The following UFD1 variants were observed in gnomAD, a reference collection of about 807,000 sequenced individuals.
UFD1 encodes the protein ubiquitin recognition factor in ER associated degradation 1, also known as ubiquitin recognition factor in ER-associated degradation protein 1.
A neutral mutation model predicts 45.9 loss-of-function variants in UFD1; 13 were observed. The observed-to-expected ratio is 0.28, with a 90% CI of 0.18 to 0.45. The LOEUF (loss-of-function observed/expected upper bound fraction) is 0.45. UFD1 is among the 20% of genes least tolerant of loss of function. The probability of loss-of-function intolerance (pLI) is 1.00; values close to 1 mark genes in which losing one functional copy is unlikely to be tolerated. For missense variants in UFD1, 218 were observed against 389.2 expected, an observed-to-expected ratio of 0.56 and a Z score of 3.70; for synonymous variants, 128 against 139.2, an observed-to-expected ratio of 0.92 and a Z score of 0.56.
chr22:19,469,008 G>T (rs2089824635), intron 4 of UFD1, among the ~76,000 whole-genome samples: 1 of 152,210 alleles, frequency 6.6e-6, no homozygotes, highest in South Asian at 2.1e-4. Flanking sequence ...CCTAGGCCAT[G>T]AGTGAAGCCT....
chr22:19,451,165 A>C (rs975042427), intron 11 of UFD1: 13 of 988,544 alleles, frequency 1.3e-5, no homozygotes, highest in Non-Finnish European at 1.4e-5. Flanking sequence ...ATCACCCAAA[A>C]ACATTTCAGG....
chr22:19,450,623 T>C lies in UFD1; in HGVS notation c.*47A>G, dbSNP rs771976246. ...GTGCCAGTAACTAAAAGCCAAGATG[T>C]TGCAAATGATTCTTTTATTATTTTC... On this transcript the variant is annotated 3_prime_UTR_variant, in exon 12 of 12. Coordinates refer to ENST00000263202, the MANE Select transcript of UFD1 (RefSeq NM_005659.7). 3.1e-6 allele frequency: 5 copies of C among 1,612,210 alleles called. No homozygotes were observed. In the South Asian group the frequency reaches 5.5e-5, roughly 18 times the overall value.
In UFD1 at chr22:19,456,610, A is replaced by T. The variant is rs769825596; in HGVS notation, c.655T>A (p.Tyr219Asn). The T allele has an allele frequency of 6.2e-7, 1 of 1,614,192 alleles. No individual in the cohort carries two copies. The change falls in exon 9 of 12, where the codon TAT becomes AAT. Residue 219 changes from tyrosine (Y) to asparagine (N), a missense_variant. Physicochemically the swap from Tyr to Asn is moderately radical, Grantham distance 143. Transcript: ENST00000263202. ...STEGEADHSG[Y>N]AGELGFRAFS... ...ACGCGGAAGCCCAGCTCTCCAGCAT[A>T]GCCACTGTGGTCGGCTTCACCTTCC...
chr22:19,454,539 T>C, intron 11 of UFD1: 1 of 1,113,848 alleles, frequency 9.0e-7, no homozygotes, highest in Non-Finnish European at 1.2e-6. Flanking sequence ...ACTTGCCCCC[T>C]GCCATGATTG....
At chr22:19,465,480 G>T in intron 5 of UFD1, 1 of 513,040 alleles carries the variant, frequency 1.9e-6, no homozygotes. Flanking sequence ...GCCAAGCTGG[G>T]GTAACAAATG....
chr22:19,466,537 G>A lies in UFD1; in HGVS notation c.423-1263C>T, dbSNP rs2089803417. 3.3e-5 allele frequency: 5 copies of A among 152,366 alleles called. No individual in the cohort carries two copies. In the South Asian group the frequency reaches 8.3e-4, roughly 25 times the overall value. 9.4% of individuals were successfully genotyped at this position (152,366 alleles called of 1,614,324 possible). A position where few individuals can be genotyped will look rare whatever the true frequency, so the allele number is the denominator to read the frequency against. ...ACAGCATCTGAGATCAACCTGATAA[G>A]TCTGCATTGGGGCAGGGCGCGGTGG... On this transcript the variant is annotated intron_variant, in intron 5 of 11. Coordinates refer to ENST00000263202, the MANE Select transcript of UFD1 (RefSeq NM_005659.7).
intron 7 of UFD1, 115 bp downstream of exon 7, chr22:19,457,956 T>A (rs1569327317): frequency 9.5e-7 from 1 of 1,050,278 alleles, no homozygotes; most frequent in Non-Finnish European, 1.5e-6. Context: ...TTCCTCCTCT[T>A]TACCCAGAGT....
chr22:19,478,725 C>G (rs954585087), intron 1 of UFD1: 1 of 344,222 alleles, frequency 2.9e-6, no homozygotes, highest in Admixed American at 5.0e-5. Flanking sequence ...GGGGAGCGCC[C>G]TGATTCTGTT....
chr22:19,462,644 A>G lies in UFD1; in HGVS notation c.495+2558T>C, dbSNP rs181331029. 1.8e-4 allele frequency among the ~76,000 whole-genome samples: 28 copies of G among 152,250 alleles called. 1 individual carries two copies. Among genetic ancestry groups the G allele is most frequent in the African/African-American group, 6.7e-4 (28 of 41,562 alleles). ...AAGATCGCGCCACTGCACTCCAGCC[A>G]GGGTGAGACAAAGAGAGACTCTCTC... On this transcript the variant is annotated intron_variant, in intron 6 of 11. Coordinates refer to ENST00000263202, the MANE Select transcript of UFD1 (RefSeq NM_005659.7).
In UFD1 at chr22:19,471,653, G is replaced by C. The variant is rs141572988; in HGVS notation, c.291+34C>G. On this transcript the variant is annotated intron_variant, in intron 4 of 11. Coordinates refer to ENST00000263202, the MANE Select transcript of UFD1 (RefSeq NM_005659.7). ...TGCAGGAGATGTCTCTGCCTAAGTGGCTGCTCTCTAGAGACCCTGGCAGCC... is the reference window on the plus strand; with the variant it reads ...TGCAGGAGATGTCTCTGCCTAAGTGCCTGCTCTCTAGAGACCCTGGCAGCC... 2.3e-3 allele frequency: 3,663 copies of C among 1,606,842 alleles called. 8 individuals carry two copies. Among genetic ancestry groups the C allele is most frequent in the Admixed American group, 2.9e-3 (171 of 59,526 alleles).
chr22:19,451,564 G>A (rs916632282), intron 11 of UFD1: 15 of 985,208 alleles, frequency 1.5e-5, no homozygotes, highest in East Asian at 1.1e-4. Context: ...TTGCTAGTCA[G>A]TCTGAGGCAT....
Position 19,471,441 on chromosome 22 carries a change from G to A in UFD1, c.291+246C>T, listed in dbSNP as rs932444135. 8.1e-6 allele frequency: 6 copies of A among 737,768 alleles called. No individual in the cohort carries two copies. The African/African-American group carries it at 1.0e-4, about 13-fold the overall frequency. The allele number at this position is 737,768 out of a possible 1,614,324, so 45.7% of individuals were successfully genotyped here. On this transcript the variant is annotated intron_variant, in intron 4 of 11. Coordinates refer to ENST00000263202, the MANE Select transcript of UFD1 (RefSeq NM_005659.7). Reference sequence around the variant, plus strand: ...GAAATCACAGATGAACAGTTCAGCTGCGCAACTATCAAAGAAAAGGCCACT... The same window carrying A: ...GAAATCACAGATGAACAGTTCAGCTACGCAACTATCAAAGAAAAGGCCACT...
chr22:19,471,866 C>A, intron 3 of UFD1, 58 bp from the exon 4 acceptor site: 1 of 1,567,886 alleles, frequency 6.4e-7, no homozygotes, highest in South Asian at 1.2e-5. Context: ...CCTGTTCGGC[C>A]CACGCCTTCC....
intron 10 of UFD1, 53 bp downstream of exon 10, chr22:19,455,627 C>G: frequency 6.4e-7 from 1 of 1,571,246 alleles, no homozygotes; most frequent in Non-Finnish European, 8.7e-7. Context: ...CCGACCCCAG[C>G]GGGCTGGCAC....
intron 3 of UFD1, among the ~76,000 whole-genome samples, chr22:19,472,549 C>T (rs963666192): frequency 6.6e-6 from 1 of 152,130 alleles, no homozygotes; most frequent in East Asian, 1.9e-4. Flanking sequence ...GGACTGGTGA[C>T]GTGCTGACCC....
At position 19,450,494 on chromosome 22, in the gene UFD1, C is replaced by A; in HGVS notation, c.*176G>T. 1 of 792,780 alleles carries A rather than the reference C, an allele frequency of 1.3e-6. No homozygotes were observed. The highest frequency in any genetic ancestry group is 1.9e-6 in the Non-Finnish European group (1 of 515,168). The allele number at this position is 792,780 out of a possible 1,614,324, so 49.1% of individuals were successfully genotyped here. A position where few individuals can be genotyped will look rare whatever the true frequency, so the allele number is the denominator to read the frequency against. On this transcript the variant is annotated 3_prime_UTR_variant, in exon 12 of 12. Coordinates refer to ENST00000263202, the MANE Select transcript of UFD1 (RefSeq NM_005659.7). The stretch of plus-strand genomic sequence containing the variant: ...TTTCCCCAAATCAAGCATACAACTA[C>A]AAAGTCCTGCTGCTCCACTTCCAAG...
chr22:19,470,873 C>G, intron 4 of UFD1: 1 of 454,458 alleles, frequency 2.2e-6, no homozygotes, highest in East Asian at 6.9e-5. Context: ...TGGTGGCAGC[C>G]AAGCAAGCAC....
chr22:19,456,742 C>T (rs2089726375), intron 8 of UFD1, 108 bp from the exon 9 acceptor site: 15 of 1,612,974 alleles, frequency 9.3e-6, no homozygotes, highest in Middle Eastern at 1.6e-4. Context: ...CTGGAAGGGA[C>T]GCAGAGGATA....
At chr22:19,465,316 C>A (rs2089794421) in intron 5 of UFD1, 42 bp from the exon 6 acceptor site, 1 of 1,560,626 alleles carries the variant, frequency 6.4e-7, no homozygotes, top group East Asian at 2.2e-5. Context: ...AAGATGGATA[C>A]CTTAATCTGA....
Sources: gnomAD v4.1 joint callset for allele counts (sites outside exome capture counted in the v4.1 genomes callset) on GRCh38, gnomAD v4.1.1 for gene constraint, MANE v1.5 for transcripts, NCBI Gene and HGNC (gene_info 2026-07-23, HGNC 2026-07-21) for gene names.